APOL3: variants seen among roughly 807,000 people sequenced by gnomAD.
APOL3 encodes the protein TNF-inducible protein CG12-1.
A neutral mutation model predicts 11.6 loss-of-function variants in APOL3; 14 were observed. The observed-to-expected ratio is 1.21, with a 90% CI of 0.80 to 1.89. The LOEUF (loss-of-function observed/expected upper bound fraction) is 1.89. Ranked by LOEUF, APOL3 falls within the 40% of genes most tolerant of loss-of-function variation. The probability of loss-of-function intolerance (pLI) is 0.00; values close to 1 mark genes in which losing one functional copy is unlikely to be tolerated. For missense variants in APOL3, 483 were observed against 492.1 expected, an observed-to-expected ratio of 0.98 and a Z score of 0.17; for synonymous variants, 192 against 190.6, an observed-to-expected ratio of 1.01 and a Z score of -0.06.
exon 3 of APOL3, chr22:36,141,118 C>T: frequency 6.5e-7 from 1 of 1,538,324 alleles, no homozygotes; most frequent in Non-Finnish European, 8.7e-7. Flanking sequence ...ACCTTGCCCT[C>T]TTTATCCCCC....
chr22:36,156,976 A>C (rs1003830301), intron 1 of APOL3: 5 of 456,150 alleles, frequency 1.1e-5, no homozygotes, highest in Admixed American at 7.0e-5. Flanking sequence ...GAGGGATTGA[A>C]TGTTTTTCCT....
chr22:36,160,703 T>C, exon 1 of APOL3: 1 of 1,614,014 alleles, frequency 6.2e-7, no homozygotes, highest in Non-Finnish European at 8.5e-7. Flanking sequence ...GTGAGCAAGA[T>C]CCAGCTGTTC....
At chr22:36,152,503 A>G (rs1237729453) in intron 1 of APOL3, among the ~76,000 whole-genome samples, 1 of 152,160 alleles carries the variant, frequency 6.6e-6, no homozygotes, top group African/African-American at 2.4e-5. Flanking sequence ...TGAAGGAAGG[A>G]GGGGGAGGAT....
At chr22:36,162,879 T>C (rs1302547013), upstream of APOL3, among the ~76,000 whole-genome samples, 1 of 152,252 alleles carries the variant, frequency 6.6e-6, no homozygotes, top group Non-Finnish European at 1.5e-5. Context: ...CTTGGGGAAC[T>C]GAAACATATT....
chr22:36,165,854 A>G (rs1027380026), upstream of APOL3: 3 of 152,168 alleles, frequency 2.0e-5, no homozygotes, highest in African/African-American at 7.2e-5. Flanking sequence ...TTTTTTCTCT[A>G]AAGGGGGAAA....
chr22:36,153,673 C>A (rs147110606), intron 1 of APOL3, among the ~76,000 whole-genome samples: 1,601 of 152,266 alleles, frequency 0.011, 10 homozygotes, highest in Non-Finnish European at 0.016. Context: ...CAAAGGGATG[C>A]CCACTGGTCA....
chr22:36,141,723 G>A lies in APOL3; in HGVS notation c.686C>T (p.Ala229Val), dbSNP rs201343898. The change falls in exon 3 of 3, where the codon GCG becomes GTG. Residue 229 changes from alanine to valine, a missense_variant. Ala to Val is a moderately conservative substitution (Grantham distance 64). Transcript: ENST00000349314. ...GGTGGTGATCCCAGTCACAGCAGAC[G>A]CTGCTCCCAGCCCTACCCCAGCTGC... 22 of 1,613,862 alleles carry A rather than the reference G, an allele frequency of 1.4e-5. No individual in the cohort carries two copies. Among genetic ancestry groups the A allele is most frequent in the South Asian group, 5.5e-5 (5 of 91,076 alleles).
At chr22:36,144,208 G>A (rs977859286) in intron 2 of APOL3, among the ~76,000 whole-genome samples, 9 of 152,048 alleles carry the variant, frequency 5.9e-5, no homozygotes, top group East Asian at 1.9e-4. Flanking sequence ...CCATGGCCAC[G>A]TTACCTTTCA....
exon 3 of APOL3, chr22:36,141,737 T>C: frequency 6.2e-7 from 1 of 1,614,098 alleles, no homozygotes. Context: ...CTCCCAGCCC[T>C]ACCCCAGCTG....
intron 1 of APOL3, among the ~76,000 whole-genome samples, chr22:36,156,452 G>A (rs1458260778): frequency 6.6e-6 from 1 of 152,096 alleles, no homozygotes; most frequent in African/African-American, 2.4e-5. Flanking sequence ...CCCCTTAACT[G>A]GGCACACGGG....
upstream of APOL3, among the ~76,000 whole-genome samples, chr22:36,164,425 G>A (rs17731915): frequency 0.028 from 4,318 of 152,290 alleles, 92 homozygotes; most frequent in South Asian, 0.085. Flanking sequence ...TCGTCTATCT[G>A]TAATACTATC....
upstream of APOL3, among the ~76,000 whole-genome samples, chr22:36,162,486 T>C (rs1603476124): frequency 6.6e-6 from 1 of 152,154 alleles, no homozygotes; most frequent in East Asian, 1.9e-4. Flanking sequence ...CTAATTTTAG[T>C]TATATAACCA....
exon 3 of APOL3, chr22:36,140,779 G>C (rs1482258844): frequency 1.8e-5 from 3 of 163,346 alleles, no homozygotes; most frequent in African/African-American, 7.2e-5. Context: ...CGAACCGGGG[G>C]CAGGTCGGTA....
At chr22:36,149,663 C>T in intron 1 of APOL3, 1 of 360,022 alleles carries the variant, frequency 2.8e-6, no homozygotes, top group South Asian at 2.1e-5. Flanking sequence ...AGCAACCTTG[C>T]CATGTTTTCA....
intron 1 of APOL3, among the ~76,000 whole-genome samples, chr22:36,152,212 G>A (rs1021171475): frequency 6.6e-6 from 1 of 151,922 alleles, no homozygotes; most frequent in Admixed American, 6.6e-5. Flanking sequence ...CACAGTTTGA[G>A]AAAAACTGAG....
rs1173373081 is a variant in APOL3 at position 36,149,227 on chromosome 22, C to G, written c.224-3628G>C. On this transcript the variant is annotated intron_variant, in intron 1 of 2. Transcript: ENST00000349314. ...GTTGGAGGGGCTGGATCTCTGCAATCCCTTTGCGTGTCAGCAAATGCCAAG... is the reference window on the plus strand; with the variant it reads ...GTTGGAGGGGCTGGATCTCTGCAATGCCTTTGCGTGTCAGCAAATGCCAAG... 3.8e-6 allele frequency: 5 copies of G among 1,308,262 alleles called. No individual in the cohort carries two copies. In the East Asian group the frequency reaches 2.2e-4, roughly 58 times the overall value. The allele number at this position is 1,308,262 out of a possible 1,614,324, so 81.0% of individuals were successfully genotyped here. A position where few individuals can be genotyped will look rare whatever the true frequency, so the allele number is the denominator to read the frequency against.
At chr22:36,164,685 C>T (rs1172123619), upstream of APOL3, 3 of 152,358 alleles carry the variant, frequency 2.0e-5, no homozygotes, top group Middle Eastern at 3.4e-3. Flanking sequence ...TGGATCTACC[C>T]TTTTCCCCAG....
chr22:36,157,356 CA>C (rs575254480), intron 1 of APOL3, among the ~76,000 whole-genome samples: 225 of 152,184 alleles, frequency 1.5e-3, no homozygotes, highest in African/African-American at 5.3e-3. Context: ...AGAATACACA[CA>C]AAAAAGTCTT....
At chr22:36,156,318 A>T (rs1309382170) in intron 1 of APOL3, among the ~76,000 whole-genome samples, 1 of 152,098 alleles carries the variant, frequency 6.6e-6, no homozygotes, top group Non-Finnish European at 1.5e-5. Context: ...GCTTGTCCTG[A>T]ACTCCTGGGT....
Sources: gnomAD v4.1 joint callset for allele counts (sites outside exome capture counted in the v4.1 genomes callset) on GRCh38, gnomAD v4.1.1 for gene constraint, MANE v1.5 for transcripts, NCBI Gene and HGNC (gene_info 2026-07-23, HGNC 2026-07-21) for gene names.